The following ACTR2 variants were observed in gnomAD, a reference collection of about 807,000 sequenced individuals.
The protein encoded by ACTR2 is actin-related protein 2.
ACTR2 carries 5 observed loss-of-function variants against 50.2 expected under a neutral mutation model. The observed-to-expected ratio is 0.10, with a 90% CI of 0.05 to 0.21. ACTR2 has a LOEUF of 0.21. Ranked by LOEUF, ACTR2 falls within the 10% of genes least tolerant of loss-of-function variation. The pLI is 1.00. For missense variants in ACTR2, 180 were observed against 480.6 expected, an observed-to-expected ratio of 0.37 and a Z score of 5.85; for synonymous variants, 140 against 162.9, an observed-to-expected ratio of 0.86 and a Z score of 1.07.
intron 4 of ACTR2, among the ~76,000 whole-genome samples, chr2:65,252,476 T>TA (rs1252799102): frequency 4.5e-4 from 66 of 147,056 alleles, no homozygotes; most frequent in African/African-American, 9.0e-4. Context: ...CCGTCTCTAC[T>TA]AAAAAAAAAA....
chr2:65,268,439 A>AC (rs72536103), intron 8 of ACTR2, 125 bp from the exon 9 acceptor site: 693,594 of 824,226 alleles, frequency 0.84, 293,057 homozygotes, highest in African/African-American at 0.89. Flanking sequence ...ACCAAATATT[A>AC]CGTTCTACTT....
chr2:65,260,102 T>C (rs1196156665), intron 6 of ACTR2, among the ~76,000 whole-genome samples: 1 of 152,242 alleles, frequency 6.6e-6, no homozygotes, highest in Non-Finnish European at 1.5e-5. Context: ...TTTTTGATCA[T>C]AAGACATTTT....
At chr2:65,235,061 G>A (rs913706266) in intron 1 of ACTR2, among the ~76,000 whole-genome samples, 8 of 152,086 alleles carry the variant, frequency 5.3e-5, no homozygotes, top group Non-Finnish European at 7.3e-5. Context: ...GAACAATAGG[G>A]ATAATGATGA....
chr2:65,267,572 T>C (rs1333330188), intron 8 of ACTR2, among the ~76,000 whole-genome samples: 1 of 152,228 alleles, frequency 6.6e-6, no homozygotes, highest in Non-Finnish European at 1.5e-5. Flanking sequence ...CTTTCAGGTG[T>C]TGACCAACCA....
intron 2 of ACTR2, among the ~76,000 whole-genome samples, chr2:65,244,112 C>T (rs1671890946): frequency 6.6e-6 from 1 of 152,010 alleles, no homozygotes; most frequent in African/African-American, 2.4e-5. Context: ...TCAGTTAATC[C>T]TTTATAGTAT....
At chr2:65,229,573 T>C (rs568131363) in intron 1 of ACTR2, among the ~76,000 whole-genome samples, 1 of 151,802 alleles carries the variant, frequency 6.6e-6, no homozygotes, top group South Asian at 2.1e-4. Context: ...CTGGCCAACA[T>C]AGTGAAACCC....
intron 4 of ACTR2, among the ~76,000 whole-genome samples, chr2:65,251,464 T>G (rs933768788): frequency 2.5e-4 from 38 of 152,266 alleles, no homozygotes; most frequent in African/African-American, 8.9e-4. Flanking sequence ...TGGGTTCAAG[T>G]GATTTTCCTG....
At chr2:65,259,526 C>T (rs1295954538) in intron 6 of ACTR2, among the ~76,000 whole-genome samples, 1 of 152,032 alleles carries the variant, frequency 6.6e-6, no homozygotes, top group Non-Finnish European at 1.5e-5. Context: ...GCCAGGAGCT[C>T]GAGACCAGCC....
intron 8 of ACTR2, among the ~76,000 whole-genome samples, chr2:65,267,254 T>C (rs1191059472): frequency 6.6e-6 from 1 of 152,160 alleles, no homozygotes; most frequent in Non-Finnish European, 1.5e-5. Context: ...ATATTGTCTG[T>C]GGGCACCTTC....
rs1427459535 is a variant in ACTR2 at position 65,270,399 on chromosome 2, A to G, written c.*1665A>G. The G allele has an allele frequency of 6.6e-6, 1 of 152,640 alleles. No homozygotes were observed. The highest frequency in any genetic ancestry group is 2.4e-5 in the African/African-American group (1 of 41,446). The allele number at this position is 152,640 out of a possible 1,614,324, so 9.5% of individuals were successfully genotyped here. A position where few individuals can be genotyped will look rare whatever the true frequency, so the allele number is the denominator to read the frequency against. On this transcript the variant is annotated 3_prime_UTR_variant, in exon 9 of 9. Coordinates refer to ENST00000260641, the MANE Select transcript of ACTR2 (RefSeq NM_005722.4). Reference sequence around the variant, plus strand: ...TTGTCTGTTTTACCTCAATTTGAACAGATAAGTTTGCCTGCATGCTGGACA... The same window carrying G: ...TTGTCTGTTTTACCTCAATTTGAACGGATAAGTTTGCCTGCATGCTGGACA...
At chr2:65,248,254 A>T (rs1235557082) in intron 3 of ACTR2, among the ~76,000 whole-genome samples, 3 of 151,936 alleles carry the variant, frequency 2.0e-5, no homozygotes, top group South Asian at 4.2e-4. Context: ...ACAAAAATTA[A>T]CTGGGCATAG....
intron 1 of ACTR2, 104 bp downstream of exon 1, chr2:65,228,061 G>A: frequency 1.8e-6 from 2 of 1,131,868 alleles, no homozygotes; most frequent in Non-Finnish European, 2.3e-6. Context: ...GGGCCCTCGG[G>A]GCGAAGGGGC....
In ACTR2 at chr2:65,270,053, A is replaced by C. The variant is rs1049323557; in HGVS notation, c.*1319A>C. The C allele has an allele frequency of 3.3e-5, 5 of 152,206 alleles. No individual in the cohort carries two copies. Among genetic ancestry groups the C allele is most frequent in the Admixed American group, 3.3e-4 (5 of 15,290 alleles). The allele number at this position is 152,206 out of a possible 1,614,324, so 9.4% of individuals were successfully genotyped here. The stretch of plus-strand genomic sequence containing the variant: ...CAGTGTCAGAAAATCCTATTTATGA[A>C]TCCTGTCGGTATTCCTTGGTATCTG... On this transcript the variant is annotated 3_prime_UTR_variant, in exon 9 of 9. Coordinates refer to ENST00000260641, the MANE Select transcript of ACTR2 (RefSeq NM_005722.4).
At chr2:65,254,061 G>GA (rs1038756996) in intron 5 of ACTR2, among the ~76,000 whole-genome samples, 197 bp downstream of exon 5, 3 of 151,910 alleles carry the variant, frequency 2.0e-5, no homozygotes, top group Non-Finnish European at 2.9e-5. Context: ...TAAAAACAAG[G>GA]AAAAAAGTGT....
At chr2:65,265,426 G>T (rs1159953031) in intron 8 of ACTR2, among the ~76,000 whole-genome samples, 1 of 152,212 alleles carries the variant, frequency 6.6e-6, no homozygotes, top group Non-Finnish European at 1.5e-5. Flanking sequence ...AACCAGCACG[G>T]ACTCTGAGGC....
chr2:65,242,159 G>A, intron 2 of ACTR2: 1 of 822,478 alleles, frequency 1.2e-6, no homozygotes, highest in South Asian at 1.7e-5. Flanking sequence ...GGGGAGGGGG[G>A]GTTATTTCCA....
At chr2:65,246,353 A>G (rs142953324) in intron 2 of ACTR2, 171 bp from the exon 3 acceptor site, 4 of 533,236 alleles carry the variant, frequency 7.5e-6, no homozygotes, top group African/African-American at 3.9e-5. Context: ...GTAAAAATGT[A>G]TTATCCATGA....
chr2:65,256,643 A>G (rs921379895), intron 6 of ACTR2, among the ~76,000 whole-genome samples: 2 of 152,192 alleles, frequency 1.3e-5, no homozygotes, highest in African/African-American at 4.8e-5. Flanking sequence ...AGGCCGAGGC[A>G]GGCGGATCAC....
chr2:65,233,996 A>G (rs187538867), intron 1 of ACTR2, among the ~76,000 whole-genome samples: 25 of 151,374 alleles, frequency 1.7e-4, no homozygotes, highest in African/African-American at 2.7e-4. Context: ...CGTAGCCTCA[A>G]CCTCCCTGGG....
Sources: allele counts gnomAD v4.1 joint callset (sites outside exome capture counted in the v4.1 genomes callset), GRCh38; gene constraint gnomAD v4.1.1; transcripts MANE v1.5; gene names NCBI Gene and HGNC (gene_info 2026-07-23, HGNC 2026-07-21).